CFAP54: variants seen among roughly 807,000 people sequenced by gnomAD.
CFAP54 encodes the protein cilia- and flagella-associated protein 54.
In CFAP54, 290 loss-of-function variants were observed where a neutral mutation model predicts 370.4. The observed-to-expected ratio is 0.78, with a 90% CI of 0.71 to 0.86. The LOEUF (loss-of-function observed/expected upper bound fraction) is 0.86, where lower values mean the gene tolerates loss of function less well. Among genes scored for constraint, CFAP54 ranks in the 40% least tolerant of loss-of-function variants. CFAP54 has a pLI of 0.00. For missense variants in CFAP54, 3,399 were observed against 3,528.7 expected, an observed-to-expected ratio of 0.96 and a Z score of 0.93; for synonymous variants, 1,206 against 1,236.5, an observed-to-expected ratio of 0.98 and a Z score of 0.52.
At position 96,496,243 on chromosome 12, in the gene CFAP54, C is replaced by A. The variant is rs558106788; in HGVS notation, c.318-4591C>A. 2.6e-5 allele frequency among the ~76,000 whole-genome samples: 4 copies of A among 152,250 alleles called. No individual in the cohort carries two copies. In the East Asian group the frequency reaches 7.7e-4, roughly 29 times the overall value. ...TTAATTACCCAAATGAATTAATTGA[C>A]AGGTTTCTGTTTAGATGTTCCATTA... is the stretch of plus-strand genomic sequence containing the variant. On this transcript the variant is annotated intron_variant, in intron 1 of 67. Coordinates refer to ENST00000524981, the MANE Select transcript of CFAP54 (RefSeq NM_001306084.2).
chr12:96,780,767 G>A (rs781751294), intron 60 of CFAP54, among the ~76,000 whole-genome samples: 2 of 152,104 alleles, frequency 1.3e-5, no homozygotes, highest in Admixed American at 6.6e-5. Context: ...ATCCCAGATG[G>A]GGAAGTTCAG....
chr12:96,809,820 A>G (rs933756345), intron 63 of CFAP54, among the ~76,000 whole-genome samples: 3 of 152,168 alleles, frequency 2.0e-5, no homozygotes, highest in African/African-American at 4.8e-5. Context: ...TCTCTTTGAC[A>G]TATCAGTTTC....
At chr12:96,581,592 G>C (rs1956033067) in intron 22 of CFAP54, among the ~76,000 whole-genome samples, 1 of 152,002 alleles carries the variant, frequency 6.6e-6, no homozygotes, top group African/African-American at 2.4e-5. Flanking sequence ...TAAAATGTCA[G>C]TGGTGTCAAG....
intron 60 of CFAP54, among the ~76,000 whole-genome samples, chr12:96,768,130 G>A (rs990458470): frequency 6.6e-6 from 1 of 152,014 alleles, no homozygotes; most frequent in Non-Finnish European, 1.5e-5. Context: ...AGACCACCCT[G>A]GGCAACATGG....
intron 26 of CFAP54, among the ~76,000 whole-genome samples, chr12:96,611,785 C>T (rs989417277): frequency 7.3e-5 from 11 of 150,692 alleles, no homozygotes; most frequent in East Asian, 3.9e-4. Flanking sequence ...GAAGTTGATT[C>T]GATCAACAGT....
In CFAP54 at chr12:96,617,754, G is replaced by C. The variant is rs573584776; in HGVS notation, c.3640-3836G>C. Among the ~76,000 whole-genome samples the C allele has an allele frequency of 5.9e-5, 9 of 152,244 alleles. No individual in the cohort carries two copies. In the South Asian group the frequency reaches 1.9e-3, roughly 32 times the overall value. The stretch of plus-strand genomic sequence containing the variant: ...CGCCTGTAATCCCAGCACTTTGGAG[G>C]CCAAGCTGGGCTGATCACGAGGTCA... On this transcript the variant is annotated intron_variant, in intron 26 of 67. Transcript: ENST00000524981.
intron 19 of CFAP54, among the ~76,000 whole-genome samples, chr12:96,575,211 G>C (rs1187932798): frequency 6.6e-6 from 1 of 151,976 alleles, no homozygotes; most frequent in Non-Finnish European, 1.5e-5. Flanking sequence ...TATTTAAAAG[G>C]AGTTATTTTC....
chr12:96,771,664 C>A (rs574678037), intron 60 of CFAP54, among the ~76,000 whole-genome samples: 1 of 152,054 alleles, frequency 6.6e-6, no homozygotes, highest in African/African-American at 2.4e-5. Flanking sequence ...AAACAAAAAA[C>A]AAACAAACAA....
intron 32 of CFAP54, among the ~76,000 whole-genome samples, chr12:96,638,183 T>TCATA (rs1325966464): frequency 2.8e-5 from 2 of 70,728 alleles, no homozygotes; most frequent in East Asian, 6.6e-4. Context: ...TTTAGCTGCA[T>TCATA]CATATATATA....
chr12:96,598,148 G>A (rs903092561), intron 25 of CFAP54, among the ~76,000 whole-genome samples: 10 of 151,872 alleles, frequency 6.6e-5, no homozygotes, highest in Non-Finnish European at 7.4e-5. Context: ...CATATAATAC[G>A]AAGCAAGGAG....
chr12:96,536,487 C>G (rs1334181292), intron 12 of CFAP54, among the ~76,000 whole-genome samples: 1 of 151,974 alleles, frequency 6.6e-6, no homozygotes, highest in Non-Finnish European at 1.5e-5. Flanking sequence ...TAACCTGTGA[C>G]AGGTATTTAA....
chr12:96,731,793 A>G (rs1957922106), intron 50 of CFAP54, among the ~76,000 whole-genome samples: 1 of 152,220 alleles, frequency 6.6e-6, no homozygotes, highest in Admixed American at 6.5e-5. Flanking sequence ...ATCCTAGTGA[A>G]CAAGATAGAG....
intron 26 of CFAP54, among the ~76,000 whole-genome samples, chr12:96,605,673 C>T (rs1239877469): frequency 6.6e-6 from 1 of 152,172 alleles, no homozygotes; most frequent in Admixed American, 6.5e-5. Context: ...GGGCTCTTGA[C>T]ATATGCATGA....
chr12:96,685,041 G>A lies in CFAP54; in HGVS notation c.5817G>A (p.Lys1939=), dbSNP rs1391894269. The A allele has an allele frequency of 6.2e-7, 1 of 1,613,940 alleles. No individual in the cohort carries two copies. The highest frequency in any genetic ancestry group is 8.5e-7 in the Non-Finnish European group (1 of 1,179,954). ...IFAEKKRAAF[K]CWCQALDDIF... is the part of the protein sequence containing the mutation. ...GTCTCTGTTTTAGGGCTGCTTTTAAGTGTTGGTGTCAAGCTCTTGATGACA... is the reference window on the plus strand; with the variant it reads ...GTCTCTGTTTTAGGGCTGCTTTTAAATGTTGGTGTCAAGCTCTTGATGACA... The change falls in exon 42 of 68, where the codon AAG becomes AAA. Residue 1939 remains lysine (K), a synonymous_variant. Transcript: ENST00000524981.
At chr12:96,865,918 T>G (rs1959994798) in intron 67 of CFAP54, among the ~76,000 whole-genome samples, 1 of 152,142 alleles carries the variant, frequency 6.6e-6, no homozygotes, top group Non-Finnish European at 1.5e-5. Flanking sequence ...ATGAAACTAT[T>G]AAATTTCAAT....
chr12:96,758,041 C>T (rs904002113), intron 58 of CFAP54, among the ~76,000 whole-genome samples: 27 of 152,202 alleles, frequency 1.8e-4, no homozygotes, highest in African/African-American at 5.1e-4. Flanking sequence ...ACATTCATCA[C>T]GTATCTATTG....
intron 57 of CFAP54, 61 bp downstream of exon 57, chr12:96,756,624 G>C: frequency 1.8e-6 from 2 of 1,108,912 alleles, no homozygotes; most frequent in Non-Finnish European, 2.7e-6. Context: ...TGTTCTTGTA[G>C]TACATTGACC....
chr12:96,632,314 T>C (rs1252994569), intron 32 of CFAP54, among the ~76,000 whole-genome samples: 1 of 152,030 alleles, frequency 6.6e-6, no homozygotes, highest in Non-Finnish European at 1.5e-5. Context: ...AATATATCAA[T>C]GTTTCCCTTT....
Position 96,598,889 on chromosome 12 carries a change from A to G in CFAP54, c.3639+122A>G, listed in dbSNP as rs577255954. On this transcript the variant is annotated intron_variant, in intron 26 of 67. Coordinates refer to ENST00000524981, the MANE Select transcript of CFAP54 (RefSeq NM_001306084.2). Reference sequence around the variant, plus strand: ...GGCACCCTAAAAGCATTTTTAGATCAAAAGCAAATGTAGAGGCCAAACATT... The same window carrying G: ...GGCACCCTAAAAGCATTTTTAGATCGAAAGCAAATGTAGAGGCCAAACATT... 1.4e-3 allele frequency: 553 copies of G among 402,724 alleles called. 4 individuals are homozygous for G. The highest frequency in any genetic ancestry group is 9.8e-3 in the African/African-American group (480 of 48,986). 24.9% of individuals were successfully genotyped at this position (402,724 alleles called of 1,614,324 possible).
Sources: allele counts gnomAD v4.1 joint callset (sites outside exome capture counted in the v4.1 genomes callset), GRCh38; gene constraint gnomAD v4.1.1; transcripts MANE v1.5; gene names NCBI Gene and HGNC (gene_info 2026-07-23, HGNC 2026-07-21).